Variants in GALNT13 observed in about 807,000 individuals in gnomAD.
The protein encoded by GALNT13 is polypeptide N-acetylgalactosaminyltransferase 13, also known as UDP-GalNAc:polypeptide N-acetylgalactosaminyltransferase 13.
A neutral mutation model predicts 64.2 loss-of-function variants in GALNT13; 28 were observed. The ratio of observed to expected loss-of-function variants is 0.44; its 90% CI spans 0.32 to 0.60. The LOEUF is 0.60. Among genes scored for constraint, GALNT13 ranks in the 20% least tolerant of loss-of-function variants. GALNT13 has a pLI of 0.05. For missense variants in GALNT13, 577 were observed against 669.8 expected, an observed-to-expected ratio of 0.86 and a Z score of 1.53; for synonymous variants, 214 against 224.6, an observed-to-expected ratio of 0.95 and a Z score of 0.42.
intron 3 of GALNT13, among the ~76,000 whole-genome samples, chr2:154,029,665 T>C (rs1213938706): frequency 6.6e-6 from 1 of 152,048 alleles, no homozygotes; most frequent in Non-Finnish European, 1.5e-5. Flanking sequence ...GTACAAGACG[T>C]GTACAATGGC....
the GALNT13 span, among the ~76,000 whole-genome samples, chr2:153,863,796 A>T: frequency 6.6e-6 from 1 of 152,196 alleles, no homozygotes; most frequent in Non-Finnish European, 1.5e-5. Context: ...CAGTCCCGTG[A>T]AGCAATGATA....
At chr2:154,212,272 T>G (rs1294571926) in intron 4 of GALNT13, among the ~76,000 whole-genome samples, 1 of 150,424 alleles carries the variant, frequency 6.6e-6, no homozygotes, top group Non-Finnish European at 1.5e-5. Context: ...TGAGACGGAG[T>G]CTTGCTCTAT....
At chr2:154,076,906 C>T (rs907584741) in intron 3 of GALNT13, among the ~76,000 whole-genome samples, 1 of 151,598 alleles carries the variant, frequency 6.6e-6, no homozygotes, top group Non-Finnish European at 1.5e-5. Flanking sequence ...GTTGGTTTTG[C>T]TTCTTTGCTA....
chr2:153,463,513 G>GA, the GALNT13 span, among the ~76,000 whole-genome samples: 1 of 152,000 alleles, frequency 6.6e-6, no homozygotes, highest in Non-Finnish European at 1.5e-5. Context: ...GTCACTAAGT[G>GA]AGCCTGCAGA....
chr2:153,609,281 A>T, the GALNT13 span, among the ~76,000 whole-genome samples: 1 of 152,048 alleles, frequency 6.6e-6, no homozygotes, highest in Admixed American at 6.6e-5. Flanking sequence ...TAATTTTTTT[A>T]AATCAACCTC....
the GALNT13 span, among the ~76,000 whole-genome samples, chr2:153,332,094 G>C: frequency 6.6e-6 from 1 of 152,048 alleles, no homozygotes; most frequent in Admixed American, 6.6e-5. Context: ...TGTTAATCTT[G>C]TTAGAGATCT....
chr2:153,202,389 T>C, the GALNT13 span, among the ~76,000 whole-genome samples: 2 of 152,186 alleles, frequency 1.3e-5, no homozygotes. Context: ...TCACAGAACT[T>C]CATAAATACT....
At chr2:153,345,654 TCTTTC>T in the GALNT13 span, among the ~76,000 whole-genome samples, 4 of 133,708 alleles carry the variant, frequency 3.0e-5, no homozygotes, top group African/African-American at 1.2e-4. Flanking sequence ...TTTCTTTCTT[TCTTTC>T]TTTCTTTCTT....
the GALNT13 span, among the ~76,000 whole-genome samples, chr2:153,306,368 A>G: frequency 6.6e-6 from 1 of 152,212 alleles, no homozygotes; most frequent in Non-Finnish European, 1.5e-5. Flanking sequence ...GTGCGATACA[A>G]TATTTGATAA....
chr2:153,652,621 AG>A, the GALNT13 span, among the ~76,000 whole-genome samples: 2 of 152,238 alleles, frequency 1.3e-5, no homozygotes, highest in Non-Finnish European at 2.9e-5. Flanking sequence ...TCTCAAAAAA[AG>A]GAAAAAAATT....
At chr2:153,456,882 C>T in the GALNT13 span, among the ~76,000 whole-genome samples, 1 of 152,070 alleles carries the variant, frequency 6.6e-6, no homozygotes, top group East Asian at 1.9e-4. Context: ...AATGCAGGGT[C>T]CAGGCGGATA....
chr2:153,088,095 G>A, the GALNT13 span, among the ~76,000 whole-genome samples: 2 of 151,816 alleles, frequency 1.3e-5, no homozygotes, highest in Non-Finnish European at 2.9e-5. Flanking sequence ...TTTTTGTGTA[G>A]GCATTTAATC....
At chr2:154,212,920 C>T (rs1437171847) in intron 4 of GALNT13, among the ~76,000 whole-genome samples, 1 of 151,634 alleles carries the variant, frequency 6.6e-6, no homozygotes, top group Non-Finnish European at 1.5e-5. Flanking sequence ...TAGGATCGAT[C>T]TCAAAGTGTT....
the GALNT13 span, among the ~76,000 whole-genome samples, chr2:153,202,313 C>T: frequency 2.0e-5 from 3 of 152,076 alleles, no homozygotes; most frequent in Admixed American, 2.0e-4. Flanking sequence ...TGCTACTTTC[C>T]CTGCCTTCTT....
the GALNT13 span, among the ~76,000 whole-genome samples, chr2:153,824,599 A>C: frequency 6.6e-6 from 1 of 152,044 alleles, no homozygotes; most frequent in Non-Finnish European, 1.5e-5. Context: ...TGGGAGGCAA[A>C]ATTCTAAGAT....
the GALNT13 span, among the ~76,000 whole-genome samples, chr2:153,508,626 C>A: frequency 6.6e-6 from 1 of 152,208 alleles, no homozygotes; most frequent in Non-Finnish European, 1.5e-5. Flanking sequence ...GGGCTGAGAA[C>A]TTGCCCCAAC....
chr2:153,687,964 A>G, the GALNT13 span, among the ~76,000 whole-genome samples: 1 of 152,010 alleles, frequency 6.6e-6, no homozygotes, highest in African/African-American at 2.4e-5. Flanking sequence ...CAGGAATACC[A>G]TAGGAAACAA....
the GALNT13 span, chr2:153,761,448 G>A: frequency 1.1e-3 from 165 of 152,592 alleles, no homozygotes; most frequent in African/African-American, 3.7e-3. Context: ...TCACTGGTCC[G>A]TTTATGAAGT....
At chr2:154,275,722 G>C (rs1691610366) in intron 8 of GALNT13, among the ~76,000 whole-genome samples, 1 of 152,208 alleles carries the variant, frequency 6.6e-6, no homozygotes, top group Non-Finnish European at 1.5e-5. Context: ...TAGTGGATCT[G>C]TGAGAAGAGG....
Sources: gnomAD v4.1 joint callset for allele counts (sites outside exome capture counted in the v4.1 genomes callset) on GRCh38, gnomAD v4.1.1 for gene constraint, MANE v1.5 for transcripts, NCBI Gene and HGNC (gene_info 2026-07-23, HGNC 2026-07-21) for gene names.